GALNT9: variants seen among roughly 807,000 people sequenced by gnomAD.
The protein encoded by GALNT9 is GalNAc transferase 9.
In GALNT9, 47 loss-of-function variants were observed where a neutral mutation model predicts 63.1. That is an observed-to-expected ratio of 0.75 (90% CI 0.59 to 0.95). The LOEUF is 0.95. GALNT9 is among the 40% of genes least tolerant of loss of function. The probability of loss-of-function intolerance (pLI) is 0.00; values close to 1 mark genes in which losing one functional copy is unlikely to be tolerated. For synonymous variants in GALNT9, 396 were observed against 365.7 expected, an observed-to-expected ratio of 1.08 and a Z score of -0.94; for missense variants, 829 against 874.8, an observed-to-expected ratio of 0.95 and a Z score of 0.66.
rs1268552656 is a variant in GALNT9 at position 132,226,312 on chromosome 12, CACATACTGT to C, written c.1077+21589_1077+21597del. Among the ~76,000 whole-genome samples the C allele has an allele frequency of 8.0e-5, 12 of 149,956 alleles. No homozygotes were observed. In the East Asian group the frequency reaches 1.2e-3, roughly 15 times the overall value. On this transcript the variant is annotated intron_variant, in intron 6 of 10. Transcript: ENST00000328957. Reference sequence around the variant, plus strand: ...CCTCATACACACCATATACACGCTGCACATACTGTACATACACCTCACACATACATCCCT... The same window carrying C: ...CCTCATACACACCATATACACGCTGCACATACACCTCACACATACATCCCT...
chr12:132,204,420 C>T (rs1403883456), intron 6 of GALNT9, among the ~76,000 whole-genome samples: 1 of 152,142 alleles, frequency 6.6e-6, no homozygotes, highest in African/African-American at 2.4e-5. Context: ...GTGGTCTGTG[C>T]ATGGCCTCTG....
intron 1 of GALNT9, among the ~76,000 whole-genome samples, chr12:132,287,576 G>A (rs1054303202): frequency 1.1e-4 from 17 of 152,280 alleles, no homozygotes; most frequent in South Asian, 2.1e-4. Flanking sequence ...ACCTCATCCC[G>A]TGTGGCCGCC....
At chr12:132,320,971 AC>A (rs1440481806) in intron 1 of GALNT9, among the ~76,000 whole-genome samples, 3 of 152,032 alleles carry the variant, frequency 2.0e-5, no homozygotes, top group Non-Finnish European at 4.4e-5. Context: ...CTGGGTTTGA[AC>A]CCAGGCGGTC....
chr12:132,305,014 G>T (rs191390045), intron 1 of GALNT9, among the ~76,000 whole-genome samples: 1 of 6,050 alleles, frequency 1.7e-4, no homozygotes, highest in Non-Finnish European at 2.8e-4. Context: ...CATCCTCACC[G>T]GGGCACACCC....
At chr12:132,308,035 CA>C (rs58609306) in intron 1 of GALNT9, among the ~76,000 whole-genome samples, 11,309 of 144,810 alleles carry the variant, frequency 0.078, 631 homozygotes, top group East Asian at 0.2. Flanking sequence ...GACCCTGTCT[CA>C]AAAAAAAAAA....
At chr12:132,298,109 A>G (rs555472273) in intron 1 of GALNT9, among the ~76,000 whole-genome samples, 11 of 152,186 alleles carry the variant, frequency 7.2e-5, no homozygotes, top group Admixed American at 7.2e-4. Flanking sequence ...TAACCAAGTC[A>G]TTCCCAAGAT....
intron 6 of GALNT9, among the ~76,000 whole-genome samples, chr12:132,230,660 C>A (rs1366384058): frequency 7.2e-5 from 11 of 152,222 alleles, no homozygotes; most frequent in Non-Finnish European, 1.5e-5. Context: ...CCCTTCCCCG[C>A]AGCCCTTAAA....
At chr12:132,290,837 C>T (rs1212870709) in intron 1 of GALNT9, among the ~76,000 whole-genome samples, 9 of 54,218 alleles carry the variant, frequency 1.7e-4, no homozygotes, top group Middle Eastern at 8.2e-3. Flanking sequence ...ACGTCCACAG[C>T]GCACACGTCC....
In GALNT9 at chr12:132,240,781, T is replaced by G. The variant is rs1284309711; in HGVS notation, c.1077+7129A>C. 7 of 452,886 alleles carry G rather than the reference T, an allele frequency of 1.5e-5. No individual in the cohort carries two copies. The Admixed American group carries it at 1.7e-4, about 11-fold the overall frequency. 28.1% of individuals were successfully genotyped at this position (452,886 alleles called of 1,614,324 possible). On this transcript the variant is annotated intron_variant, in intron 6 of 10. Coordinates refer to ENST00000328957, the MANE Select transcript of GALNT9 (RefSeq NM_001122636.2). Reference sequence around the variant, plus strand: ...AGCAGAATTGGAATGTGCAGTATGATCTATACATGTTTACACACATGCCAC... The same window carrying G: ...AGCAGAATTGGAATGTGCAGTATGAGCTATACATGTTTACACACATGCCAC...
At chr12:132,307,812 C>T (rs978407633) in intron 1 of GALNT9, among the ~76,000 whole-genome samples, 1 of 152,066 alleles carries the variant, frequency 6.6e-6, no homozygotes, top group South Asian at 2.1e-4. Flanking sequence ...CCAGCCTGGG[C>T]GACAGAGTGA....
chr12:132,318,697 T>C (rs1459388637), intron 1 of GALNT9, among the ~76,000 whole-genome samples: 3 of 152,188 alleles, frequency 2.0e-5, no homozygotes, highest in African/African-American at 7.2e-5. Context: ...CCAGCGTTGA[T>C]GCACAGTGCA....
At chr12:132,291,448 A>C in intron 1 of GALNT9, among the ~76,000 whole-genome samples, 1 of 139,240 alleles carries the variant, frequency 7.2e-6, no homozygotes. Context: ...GCCCACGTCC[A>C]CATCACCCAC....
chr12:132,321,794 C>T (rs1195413572), intron 1 of GALNT9, among the ~76,000 whole-genome samples: 1 of 151,900 alleles, frequency 6.6e-6, no homozygotes, highest in Non-Finnish European at 1.5e-5. Context: ...CCCTCACACA[C>T]CTGTCCCCTC....
In GALNT9 at chr12:132,316,317, C is replaced by T. The variant is rs1329108435; in HGVS notation, c.238+12649G>A. 6.6e-6 allele frequency among the ~76,000 whole-genome samples: 1 copy of T among 152,166 alleles called. No individual in the cohort carries two copies. The highest frequency in any genetic ancestry group is 1.5e-5 in the Non-Finnish European group (1 of 68,032). On this transcript the variant is annotated intron_variant, in intron 1 of 10. Coordinates refer to ENST00000328957, the MANE Select transcript of GALNT9 (RefSeq NM_001122636.2). This position sits in a 1 kb window ranked among gnomAD's most constrained non-coding sequence, Gnocchi z 4.3. ...GTTCTTCCCCAGCCCGACCCCACGT[C>T]CCCATTTCACGATGCATTTTTATGC...
chr12:132,263,585 G>A (rs28424176), intron 2 of GALNT9, among the ~76,000 whole-genome samples: 9,733 of 152,222 alleles, frequency 0.064, 1,025 homozygotes, highest in African/African-American at 0.22. Flanking sequence ...GTCCTCAAGC[G>A]CACACCCTGT....
intron 6 of GALNT9, among the ~76,000 whole-genome samples, chr12:132,210,934 T>A (rs1473979342): frequency 2.0e-5 from 3 of 151,774 alleles, no homozygotes; most frequent in African/African-American, 7.3e-5. Flanking sequence ...CCGGCCTGAC[T>A]CACAACAGCT....
In GALNT9 at chr12:132,281,373, C is replaced by T. The variant is rs572140089; in HGVS notation, c.419+4877G>A. Among the ~76,000 whole-genome samples, 134 of 152,290 alleles carry T rather than the reference C, an allele frequency of 8.8e-4. No individual in the cohort carries two copies. In the Middle Eastern group the frequency reaches 0.01, roughly 12 times the overall value. On this transcript the variant is annotated intron_variant, in intron 2 of 10. Transcript: ENST00000328957. ...GGGGCCAGGAGGCCTCCTTCGCATT[C>T]GAGCTTCTCAGCCACGTGTGCAGGG...
intron 2 of GALNT9, among the ~76,000 whole-genome samples, chr12:132,285,733 T>C (rs28416358): frequency 0.69 from 105,730 of 152,220 alleles, 37,351 homozygotes; most frequent in African/African-American, 0.82. Context: ...CCAGCTTCCG[T>C]GATCCCCAGA....
At position 132,315,823 on chromosome 12, in the gene GALNT9, G is replaced by A. The variant is rs1332711613; in HGVS notation, c.238+13143C>T. 2.6e-5 allele frequency among the ~76,000 whole-genome samples: 4 copies of A among 152,238 alleles called. No homozygotes were observed. The highest frequency in any genetic ancestry group is 5.9e-5 in the Non-Finnish European group (4 of 68,044). On this transcript the variant is annotated intron_variant, in intron 1 of 10. Coordinates refer to ENST00000328957, the MANE Select transcript of GALNT9 (RefSeq NM_001122636.2). This position sits in a 1 kb window ranked among gnomAD's most constrained non-coding sequence, Gnocchi z 6.1. ...CTCCCCACCGCGTCACACAGGGTGT[G>A]AGTGACACGGCCTCAGGGGAAGACC...
Sources: gnomAD v4.1 joint callset for allele counts (sites outside exome capture counted in the v4.1 genomes callset) on GRCh38, gnomAD v4.1.1 for gene constraint, Gnocchi (gnomAD v3.1) non-coding constraint, MANE v1.5 for transcripts, NCBI Gene and HGNC (gene_info 2026-07-23, HGNC 2026-07-21) for gene names.